COBLL1: variants seen among roughly 807,000 people sequenced by gnomAD.
COBLL1 encodes cordon-bleu protein-like 1.
COBLL1 carries 50 observed loss-of-function variants against 94.8 expected under a neutral mutation model. The ratio of observed to expected loss-of-function variants is 0.53; its 90% CI spans 0.42 to 0.67. The LOEUF (loss-of-function observed/expected upper bound fraction) is 0.67. Ranked by LOEUF, COBLL1 falls within the 30% of genes least tolerant of loss-of-function variation. The pLI is 0.00. For missense variants in COBLL1, 1,362 were observed against 1,348.7 expected (o/e 1.01, Z -0.15); for synonymous variants, 448 against 473.8 (o/e 0.95, Z 0.71).
chr2:164,821,831 C>T (rs1348498628), intron 2 of COBLL1, among the ~76,000 whole-genome samples: 2 of 152,188 alleles, frequency 1.3e-5, no homozygotes, highest in Non-Finnish European at 2.9e-5. Context: ...TACAAAACTA[C>T]TTTATTTATA....
At chr2:164,761,532 A>G (rs1574539426) in intron 2 of COBLL1, 2 of 152,176 alleles carry the variant, frequency 1.3e-5, no homozygotes, top group Admixed American at 6.5e-5. Context: ...GACATAAGAA[A>G]AAAAACCCAT....
intron 7 of COBLL1, chr2:164,718,207 T>A: frequency 1.0e-6 from 1 of 969,536 alleles, no homozygotes; most frequent in Non-Finnish European, 1.2e-6. Flanking sequence ...ACACCTACCA[T>A]GTTACAGAAT....
chr2:164,808,302 T>C (rs923710830), intron 2 of COBLL1, among the ~76,000 whole-genome samples: 1 of 152,230 alleles, frequency 6.6e-6, no homozygotes, highest in African/African-American at 2.4e-5. Context: ...TAATTTTTAA[T>C]ACTATGTTTT....
intron 5 of COBLL1, among the ~76,000 whole-genome samples, chr2:164,726,426 T>G (rs2105510842): frequency 6.6e-6 from 1 of 152,214 alleles, no homozygotes; most frequent in South Asian, 2.1e-4. Flanking sequence ...CTTCCACAAT[T>G]TATTATTGGG....
intron 2 of COBLL1, among the ~76,000 whole-genome samples, chr2:164,826,132 C>T (rs964827217): frequency 6.6e-6 from 1 of 152,090 alleles, no homozygotes; most frequent in East Asian, 1.9e-4. Context: ...TTTCATCTTA[C>T]ATAAGAGAAA....
chr2:164,792,506 T>G (rs1683243139), intron 2 of COBLL1, among the ~76,000 whole-genome samples: 1 of 152,052 alleles, frequency 6.6e-6, no homozygotes, highest in African/African-American at 2.4e-5. Flanking sequence ...GGATCATGAC[T>G]AAGAAATAAC....
intron 3 of COBLL1, among the ~76,000 whole-genome samples, chr2:164,731,273 A>C (rs1484071465): frequency 6.6e-6 from 1 of 152,192 alleles, no homozygotes; most frequent in African/African-American, 2.4e-5. Context: ...AATTGAAATA[A>C]AGTAAATGCA....
intron 2 of COBLL1, among the ~76,000 whole-genome samples, chr2:164,816,039 T>C (rs1684727700): frequency 6.6e-6 from 1 of 152,146 alleles, no homozygotes; most frequent in Non-Finnish European, 1.5e-5. Context: ...TATAATTTTG[T>C]GTAAAAGCAA....
chr2:164,758,139 C>T (rs1000246809), intron 2 of COBLL1, among the ~76,000 whole-genome samples: 8 of 151,978 alleles, frequency 5.3e-5, no homozygotes, highest in East Asian at 1.9e-4. Context: ...TTACTGGGCA[C>T]CCACTGTGTA....
At position 164,718,222 on chromosome 2, in the gene COBLL1, C is replaced by T. The variant is rs965767410; in HGVS notation, c.996+3853G>A. 8 of 981,582 alleles carry T rather than the reference C, an allele frequency of 8.2e-6. No homozygotes were observed. The East Asian group carries it at 9.1e-4, about 111-fold the overall frequency. The allele number at this position is 981,582 out of a possible 1,614,324, so 60.8% of individuals were successfully genotyped here. The stretch of plus-strand genomic sequence containing the variant: ...ACACCTACCATGTTACAGAATTTTG[C>T]TGGAGAACACAATTCCTGCCTTCTG... On this transcript the variant is annotated intron_variant, in intron 7 of 13. Transcript: ENST00000652658.
chr2:164,695,064 A>G lies in COBLL1; in HGVS notation c.2328T>C (p.Thr776=), dbSNP rs765565735. The change falls in exon 12 of 14, where the codon ACT becomes ACC. Residue 776 remains threonine (T), a synonymous_variant. Coordinates refer to ENST00000652658, the MANE Select transcript of COBLL1 (RefSeq NM_001365672.2). ...KKHTHENVKE[T]AIQTEDSAIS... is the part of the protein sequence containing the mutation. ...TAGCAGAATCTTCTGTTTGGATGGC[A>G]GTTTCTTTCACATTCTCATGAGTGT... The G allele has an allele frequency of 6.2e-7, 1 of 1,613,812 alleles. No homozygotes were observed. The highest frequency in any genetic ancestry group is 8.5e-7 in the Non-Finnish European group (1 of 1,179,904).
At chr2:164,748,562 C>G (rs900327187) in intron 2 of COBLL1, among the ~76,000 whole-genome samples, 4 of 152,098 alleles carry the variant, frequency 2.6e-5, no homozygotes, top group African/African-American at 9.7e-5. Flanking sequence ...ATCACAGTAA[C>G]TGCCATTGAA....
chr2:164,811,306 A>G (rs1684445574), intron 2 of COBLL1, among the ~76,000 whole-genome samples: 1 of 152,014 alleles, frequency 6.6e-6, no homozygotes, highest in Non-Finnish European at 1.5e-5. Flanking sequence ...CTAGATTTCA[A>G]TTGTGATAGT....
chr2:164,718,441 G>A (rs1009424795), intron 7 of COBLL1: 9 of 163,470 alleles, frequency 5.5e-5, no homozygotes, highest in Admixed American at 2.0e-4. Flanking sequence ...TCCATACCAA[G>A]AAGTAAAGTA....
intron 2 of COBLL1, among the ~76,000 whole-genome samples, chr2:164,817,263 C>A (rs1241610968): frequency 6.6e-6 from 1 of 150,928 alleles, no homozygotes; most frequent in Non-Finnish European, 1.5e-5. Context: ...CTGAATAGAA[C>A]CCAAACTAAA....
At chr2:164,838,627 C>G (rs563028773) in intron 2 of COBLL1, among the ~76,000 whole-genome samples, 10 of 152,300 alleles carry the variant, frequency 6.6e-5, no homozygotes, top group East Asian at 5.8e-4. Flanking sequence ...CTTCAACACA[C>G]TCAGTGTTTC....
Position 164,743,806 on chromosome 2 carries a change from AG to A in COBLL1, c.110del (p.Ala37ValfsTer4), listed in dbSNP as rs1460476361. 1 of 1,613,302 alleles carries A rather than the reference AG, an allele frequency of 6.2e-7. No homozygotes were observed. Among genetic ancestry groups the A allele is most frequent in the Non-Finnish European group, 8.5e-7 (1 of 1,179,628 alleles). ...ETKYTDVSSA[A>X]DSVESTAFIM... Reference sequence around the variant, plus strand: ...TGAAAGCAGTGGATTCTACAGAATCAGCAGCTGAAGAGACATCAGTATATTT... The same window carrying A: ...TGAAAGCAGTGGATTCTACAGAATCACAGCTGAAGAGACATCAGTATATTT... On this transcript the variant is annotated frameshift_variant, in exon 3 of 14. Coordinates refer to ENST00000652658, the MANE Select transcript of COBLL1 (RefSeq NM_001365672.2). LOFTEE classifies it high-confidence loss of function.
At chr2:164,702,330 G>A (rs1464160828) in intron 9 of COBLL1, among the ~76,000 whole-genome samples, 2 of 152,036 alleles carry the variant, frequency 1.3e-5, no homozygotes, top group Non-Finnish European at 2.9e-5. Context: ...TTGGGAGGCT[G>A]AGGAGGGCGG....
chr2:164,664,934 C>G (rs1328155046), intron 2 of COBLL1, among the ~76,000 whole-genome samples: 2 of 151,758 alleles, frequency 1.3e-5, no homozygotes, highest in Non-Finnish European at 2.9e-5. Context: ...AGCCAGGGTG[C>G]CTTTAAAAAA....
Sources: gnomAD v4.1 joint callset for allele counts (sites outside exome capture counted in the v4.1 genomes callset) on GRCh38, gnomAD v4.1.1 for gene constraint, MANE v1.5 for transcripts, NCBI Gene and HGNC (gene_info 2026-07-23, HGNC 2026-07-21) for gene names.